The following HS3ST3A1 variants were observed in gnomAD, a reference collection of about 807,000 sequenced individuals.
The protein encoded by HS3ST3A1 is heparan sulfate glucosamine 3-O-sulfotransferase 3A1.
Under a neutral mutation model 25.7 loss-of-function variants are expected in HS3ST3A1, and 19 were observed. The ratio of observed to expected loss-of-function variants is 0.74; its 90% CI spans 0.52 to 1.08. The LOEUF (loss-of-function observed/expected upper bound fraction) is 1.08. Ranked by LOEUF, HS3ST3A1 falls within the 50% of genes least tolerant of loss-of-function variation. The pLI, the probability that HS3ST3A1 is intolerant of heterozygous loss-of-function variation, is 0.00. For synonymous variants in HS3ST3A1, 226 were observed against 278.6 expected, an observed-to-expected ratio of 0.81 and a Z score of 1.88; for missense variants, 459 against 594.3, an observed-to-expected ratio of 0.77 and a Z score of 2.37.
intron 1 of HS3ST3A1, among the ~76,000 whole-genome samples, chr17:13,511,044 T>G (rs1482274424): frequency 6.6e-6 from 1 of 152,164 alleles, no homozygotes; most frequent in Non-Finnish European, 1.5e-5. Flanking sequence ...AGTTGGCATT[T>G]TACATAGCCT....
chr17:13,523,463 T>A (rs1315258141), intron 1 of HS3ST3A1, among the ~76,000 whole-genome samples: 1 of 152,158 alleles, frequency 6.6e-6, no homozygotes, highest in Non-Finnish European at 1.5e-5. Context: ...ATGCAGGAAA[T>A]CATTTTTAAA....
At chr17:13,515,385 C>G (rs1183823043) in intron 1 of HS3ST3A1, among the ~76,000 whole-genome samples, 1 of 151,370 alleles carries the variant, frequency 6.6e-6, no homozygotes, top group Non-Finnish European at 1.5e-5. Context: ...TTCTTGAACT[C>G]GTGACCTCAG....
chr17:13,539,694 T>G (rs1458982073), intron 1 of HS3ST3A1, among the ~76,000 whole-genome samples: 1 of 151,166 alleles, frequency 6.6e-6, no homozygotes, highest in Non-Finnish European at 1.5e-5. Flanking sequence ...AACACCTTAT[T>G]TATGCTGCCT....
At chr17:13,544,110 CAAGAA>C (rs1329372055) in intron 1 of HS3ST3A1, among the ~76,000 whole-genome samples, 1 of 151,934 alleles carries the variant, frequency 6.6e-6, no homozygotes, top group African/African-American at 2.4e-5. Flanking sequence ...GAAAATATTC[CAAGAA>C]AAGAAAAAAT....
chr17:13,496,856 G>C (rs371901042), intron 1 of HS3ST3A1, 38 bp from the exon 2 acceptor site: 2 of 1,593,552 alleles, frequency 1.3e-6, no homozygotes, highest in Admixed American at 1.7e-5. Flanking sequence ...GATGTGCAGA[G>C]AGAGCTCAGT....
chr17:13,537,346 A>C (rs1041439409), intron 1 of HS3ST3A1, among the ~76,000 whole-genome samples: 1 of 152,228 alleles, frequency 6.6e-6, no homozygotes, highest in Non-Finnish European at 1.5e-5. Flanking sequence ...GAAATAAAGC[A>C]ATCTTATATC....
chr17:13,539,515 C>A (rs1424483612), intron 1 of HS3ST3A1, among the ~76,000 whole-genome samples: 1 of 152,148 alleles, frequency 6.6e-6, no homozygotes, highest in Non-Finnish European at 1.5e-5. Flanking sequence ...CAAAGAACAT[C>A]TTTTTCTTTA....
chr17:13,570,441 C>G (rs1359449439), intron 1 of HS3ST3A1, among the ~76,000 whole-genome samples: 1 of 152,138 alleles, frequency 6.6e-6, no homozygotes, highest in African/African-American at 2.4e-5. Context: ...AATCACTCAT[C>G]CATAATTCCA....
At chr17:13,506,690 C>T (rs1230995995) in intron 1 of HS3ST3A1, among the ~76,000 whole-genome samples, 1 of 152,114 alleles carries the variant, frequency 6.6e-6, no homozygotes, top group Non-Finnish European at 1.5e-5. Context: ...CACTATATTC[C>T]ACAAGGCATG....
chr17:13,548,268 C>T (rs1253973494), intron 1 of HS3ST3A1, among the ~76,000 whole-genome samples: 1 of 152,098 alleles, frequency 6.6e-6, no homozygotes, highest in Non-Finnish European at 1.5e-5. Context: ...GGGCTCTCTC[C>T]CTGCTTTGTA....
At chr17:13,532,724 T>C (rs1353814480) in intron 1 of HS3ST3A1, among the ~76,000 whole-genome samples, 2 of 152,020 alleles carry the variant, frequency 1.3e-5, no homozygotes, top group Non-Finnish European at 2.9e-5. Flanking sequence ...AGTCTGAAAC[T>C]GGGGACATCT....
chr17:13,601,090 C>T lies in HS3ST3A1; in HGVS notation c.40G>A (p.Ala14Thr), dbSNP rs771356885. Residue 14 changes from alanine (A) to threonine (T), a missense_variant, in exon 1 of 2, where the codon GCC (alanine) becomes ACC (threonine). Ala to Thr is a moderately conservative substitution (Grantham distance 58). This residue lies in a region of HS3ST3A1 where 346 missense variants were observed against 303.9 expected (regional missense o/e 1.14). Transcript: ENST00000284110. ...PGPASALSTS[A>T]EPLSRSIFRK... ...AAGATGCTGCGGGACAGCGGCTCGG[C>T]CGAGGTGGAGAGGGCACTGGCCGGG... 2 of 1,592,148 alleles carry T rather than the reference C, an allele frequency of 1.3e-6. No homozygotes were observed. The highest frequency in any genetic ancestry group is 1.7e-6 in the Non-Finnish European group (2 of 1,170,736).
chr17:13,547,678 C>CT (rs1907124662), intron 1 of HS3ST3A1, among the ~76,000 whole-genome samples: 1 of 152,198 alleles, frequency 6.6e-6, no homozygotes, highest in East Asian at 1.9e-4. Context: ...TAAGTACAGT[C>CT]TTTTTTGAGT....
intron 1 of HS3ST3A1, among the ~76,000 whole-genome samples, chr17:13,564,908 G>A (rs1314282631): frequency 6.6e-6 from 1 of 151,922 alleles, no homozygotes; most frequent in African/African-American, 2.4e-5. Flanking sequence ...TTTTAGTAGA[G>A]ACGGGGTTCT....
chr17:13,500,206 A>C (rs1398763920), intron 1 of HS3ST3A1, among the ~76,000 whole-genome samples: 2 of 152,238 alleles, frequency 1.3e-5, no homozygotes. Flanking sequence ...ACTGCATTTC[A>C]AAATGTCTAT....
intron 1 of HS3ST3A1, among the ~76,000 whole-genome samples, chr17:13,526,664 T>A (rs1244556573): frequency 2.6e-5 from 4 of 151,768 alleles, no homozygotes; most frequent in African/African-American, 9.7e-5. Flanking sequence ...TTTATTTTTT[T>A]AAGACAGAGT....
chr17:13,544,620 T>C (rs900408561), intron 1 of HS3ST3A1, among the ~76,000 whole-genome samples: 4 of 152,054 alleles, frequency 2.6e-5, no homozygotes, highest in African/African-American at 9.7e-5. Flanking sequence ...CTGACTCAGG[T>C]GAGCAATAAG....
At chr17:13,497,555 C>G (rs1905325555) in intron 1 of HS3ST3A1, among the ~76,000 whole-genome samples, 1 of 152,180 alleles carries the variant, frequency 6.6e-6, no homozygotes, top group Non-Finnish European at 1.5e-5. Flanking sequence ...AATGAGATAT[C>G]ACTTTATCAT....
At chr17:13,553,660 T>C (rs1340822267) in intron 1 of HS3ST3A1, among the ~76,000 whole-genome samples, 1 of 152,222 alleles carries the variant, frequency 6.6e-6, no homozygotes, top group East Asian at 1.9e-4. Context: ...ATCCCTTGTT[T>C]TAAAAGCTTT....
Sources: allele counts gnomAD v4.1 joint callset (sites outside exome capture counted in the v4.1 genomes callset), GRCh38; gene constraint gnomAD v4.1.1; regional missense constraint gnomAD v4.1.1; transcripts MANE v1.5; gene names NCBI Gene and HGNC (gene_info 2026-07-23, HGNC 2026-07-21).